The following FOXN3 variants were observed in gnomAD, a reference collection of about 807,000 sequenced individuals.
FOXN3 encodes forkhead box N3.
FOXN3 carries 7 observed loss-of-function variants against 38.4 expected under a neutral mutation model. The observed-to-expected ratio is 0.18, with a 90% confidence interval of 0.10 to 0.34. The LOEUF (loss-of-function observed/expected upper bound fraction) is 0.34. Among genes scored for constraint, FOXN3 ranks in the 10% least tolerant of loss-of-function variants. FOXN3 has a pLI of 1.00. For missense variants in FOXN3, 456 were observed against 613.4 expected (o/e 0.74, Z 2.71); for synonymous variants, 230 against 242.2 (o/e 0.95, Z 0.47).
chr14:89,329,100 C>T (rs1418502746), intron 3 of FOXN3, among the ~76,000 whole-genome samples: 3 of 152,160 alleles, frequency 2.0e-5, no homozygotes, highest in Non-Finnish European at 4.4e-5. Context: ...CCGACCCTCA[C>T]CACTGTGCAA....
Position 89,544,421 on chromosome 14 carries a change from A to C in FOXN3, c.-15+74607T>G, listed in dbSNP as rs1272003778. 3.9e-5 allele frequency among the ~76,000 whole-genome samples: 6 copies of C among 152,012 alleles called. No homozygotes were observed. In the East Asian group the frequency reaches 1.2e-3, roughly 29 times the overall value. ...TGATCACAGGTCGTTGTAAACTTAAAACTCTGGGCTAGAATTTAGCCACAA... is the reference window on the plus strand; with the variant it reads ...TGATCACAGGTCGTTGTAAACTTAACACTCTGGGCTAGAATTTAGCCACAA... On this transcript the variant is annotated intron_variant, in intron 1 of 6. Coordinates refer to the FOXN3 transcript ENST00000345097.
intron 5 of FOXN3, among the ~76,000 whole-genome samples, chr14:89,167,952 C>T (rs1418003441): frequency 1.3e-5 from 2 of 152,156 alleles, no homozygotes; most frequent in East Asian, 1.9e-4. Flanking sequence ...CCTCTAAGGG[C>T]GTTCAAGTGG....
At chr14:89,345,741 T>C (rs1888741695) in intron 3 of FOXN3, among the ~76,000 whole-genome samples, 1 of 152,236 alleles carries the variant, frequency 6.6e-6, no homozygotes, top group Non-Finnish European at 1.5e-5. Flanking sequence ...TGGTTTTCCA[T>C]TCCTGAGTTA....
chr14:89,511,212 TTTC>T (rs1236510169), intron 1 of FOXN3, among the ~76,000 whole-genome samples: 4,568 of 26,592 alleles, frequency 0.17, 1,572 homozygotes, highest in Non-Finnish European at 0.29. Flanking sequence ...CTTTTCTTTC[TTTC>T]TTTCTTTCTT....
intron 4 of FOXN3, among the ~76,000 whole-genome samples, chr14:89,220,273 G>A (rs987615227): frequency 6.6e-5 from 10 of 152,104 alleles, no homozygotes; most frequent in African/African-American, 1.7e-4. Flanking sequence ...TTCAAATCCC[G>A]GCTCCAGTAC....
chr14:89,390,989 CCA>C lies in FOXN3; in HGVS notation c.543+20943_543+20944del, dbSNP rs1327935615. Among the ~76,000 whole-genome samples, 5 of 152,158 alleles carry C rather than the reference CCA, an allele frequency of 3.3e-5. No individual in the cohort carries two copies. The South Asian group carries it at 6.2e-4, about 19-fold the overall frequency. On this transcript the variant is annotated intron_variant, in intron 2 of 5. Coordinates refer to ENST00000557258, the MANE Select transcript of FOXN3 (RefSeq NM_005197.4). ...ACAGTGTCTCGAGAAACTCCTTTCT[CCA>C]GTTGCTAAGGTTAACGGTAGATCCA...
chr14:89,462,790 TTC>T (rs1215100469), intron 1 of FOXN3, among the ~76,000 whole-genome samples: 2 of 151,538 alleles, frequency 1.3e-5, no homozygotes, highest in African/African-American at 4.8e-5. Flanking sequence ...GTTCAAGCGA[TTC>T]TCTCACTTCA....
intron 1 of FOXN3, among the ~76,000 whole-genome samples, chr14:89,607,337 T>A (rs550796005): frequency 4.6e-5 from 7 of 152,160 alleles, no homozygotes; most frequent in African/African-American, 1.7e-4. Flanking sequence ...GGCAGGCGGA[T>A]CACTTGAGGT....
At chr14:89,408,215 C>A (rs1025265084) in intron 2 of FOXN3, among the ~76,000 whole-genome samples, 4 of 152,048 alleles carry the variant, frequency 2.6e-5, no homozygotes, top group Non-Finnish European at 5.9e-5. Context: ...ACCAGTTTTC[C>A]CCAACCCACC....
At chr14:89,218,163 G>T (rs1464734287) in intron 4 of FOXN3, among the ~76,000 whole-genome samples, 1 of 152,202 alleles carries the variant, frequency 6.6e-6, no homozygotes, top group African/African-American at 2.4e-5. Context: ...TCTCCGCCAT[G>T]CCTGCACCTA....
At chr14:89,230,277 C>T (rs1421169834) in intron 4 of FOXN3, among the ~76,000 whole-genome samples, 1 of 152,202 alleles carries the variant, frequency 6.6e-6, no homozygotes, top group Non-Finnish European at 1.5e-5. Flanking sequence ...TTGGCAGGTA[C>T]AGAGCACTCA....
chr14:89,551,726 G>A (rs1271850030), intron 1 of FOXN3, among the ~76,000 whole-genome samples: 1 of 152,146 alleles, frequency 6.6e-6, no homozygotes, highest in Non-Finnish European at 1.5e-5. Context: ...GTATGTAGCA[G>A]GTACTCATGA....
intron 4 of FOXN3, among the ~76,000 whole-genome samples, chr14:89,267,605 T>C (rs192269645): frequency 1.3e-5 from 2 of 152,140 alleles, no homozygotes; most frequent in East Asian, 3.9e-4. Flanking sequence ...ATTTGAAGAG[T>C]AATTGAGTAA....
chr14:89,504,534 CA>C (rs1264122851), intron 1 of FOXN3, among the ~76,000 whole-genome samples: 4 of 151,948 alleles, frequency 2.6e-5, no homozygotes, highest in Non-Finnish European at 2.9e-5. Flanking sequence ...GTGCTCTTCC[CA>C]GGGGCATTAG....
intron 1 of FOXN3, among the ~76,000 whole-genome samples, chr14:89,532,117 A>G (rs1256908420): frequency 6.6e-6 from 1 of 152,184 alleles, no homozygotes; most frequent in Non-Finnish European, 1.5e-5. Context: ...GATGGCTGTT[A>G]ATTGCCTTCC....
At chr14:89,232,814 C>T (rs1032191999) in intron 4 of FOXN3, among the ~76,000 whole-genome samples, 8 of 152,168 alleles carry the variant, frequency 5.3e-5, no homozygotes, top group African/African-American at 9.7e-5. Flanking sequence ...CTATCCAGCA[C>T]GGCAATGATA....
intron 3 of FOXN3, among the ~76,000 whole-genome samples, chr14:89,288,009 C>T (rs189308231): frequency 6.6e-6 from 1 of 152,112 alleles, no homozygotes; most frequent in African/African-American, 2.4e-5. Context: ...TGCAGTGAGC[C>T]TTGATCACAC....
intron 4 of FOXN3, among the ~76,000 whole-genome samples, chr14:89,233,792 C>CTTTA (rs1884892427): frequency 1.4e-4 from 21 of 152,234 alleles, no homozygotes; most frequent in Admixed American, 1.4e-3. Flanking sequence ...TCCCAAGATA[C>CTTTA]TCCCTGGGAT....
In FOXN3 at chr14:89,578,094, G is replaced by GA. The variant is rs113048313; in HGVS notation, c.-15+40933dup. Among the ~76,000 whole-genome samples, 686 of 152,172 alleles carry GA rather than the reference G, an allele frequency of 4.5e-3. 7 individuals are homozygous for GA. Among genetic ancestry groups the GA allele is most frequent in the South Asian group, 0.029 (140 of 4,828 alleles). The stretch of plus-strand genomic sequence containing the variant: ...TCAACCTTGAAAGACATATGAAAGG[G>GA]AAAAAATGCCATGGCAATTTGAATT... On this transcript the variant is annotated intron_variant, in intron 1 of 6. Transcript: ENST00000345097.
Sources: gnomAD v4.1 joint callset for allele counts (sites outside exome capture counted in the v4.1 genomes callset) on GRCh38, gnomAD v4.1.1 for gene constraint, MANE v1.5 for transcripts, NCBI Gene and HGNC (gene_info 2026-07-23, HGNC 2026-07-21) for gene names.